The following LRGUK variants were observed in gnomAD, a reference collection of about 807,000 sequenced individuals.
LRGUK encodes leucine rich repeats and guanylate kinase domain containing.
A neutral mutation model predicts 76.0 loss-of-function variants in LRGUK; 65 were observed. That is an observed-to-expected ratio of 0.85 (90% CI 0.70 to 1.05). The LOEUF (loss-of-function observed/expected upper bound fraction) is 1.05, where lower values mean the gene tolerates loss of function less well. LRGUK is among the 50% of genes least tolerant of loss of function. LRGUK has a pLI of 0.00. For missense variants in LRGUK, 758 were observed against 732.8 expected (o/e 1.03, Z -0.40); for synonymous variants, 268 against 265.6 (o/e 1.01, Z -0.09).
intron 5 of LRGUK, among the ~76,000 whole-genome samples, chr7:134,157,509 A>G (rs1365989966): frequency 6.6e-6 from 1 of 152,182 alleles, no homozygotes; most frequent in Non-Finnish European, 1.5e-5. Context: ...GTCAGATACA[A>G]TCCAGCACAC....
intron 15 of LRGUK, among the ~76,000 whole-genome samples, chr7:134,201,823 C>G (rs913352805): frequency 6.6e-6 from 1 of 152,066 alleles, no homozygotes; most frequent in Admixed American, 6.6e-5. Context: ...CTAGGCAGTG[C>G]CTTGGCGGAG....
At chr7:134,174,040 C>T (rs561678950) in intron 7 of LRGUK, among the ~76,000 whole-genome samples, 9 of 148,324 alleles carry the variant, frequency 6.1e-5, no homozygotes, top group Middle Eastern at 3.5e-3. Flanking sequence ...ACCAGGGAGT[C>T]GGAGGTTGCA....
chr7:134,177,603 A>T (rs767314667), intron 9 of LRGUK, among the ~76,000 whole-genome samples: 2 of 152,218 alleles, frequency 1.3e-5, no homozygotes, highest in Non-Finnish European at 2.9e-5. Flanking sequence ...CCTGCTTTTC[A>T]TACTCATGGT....
chr7:134,210,252 G>A (rs1351733659), exon 16 of LRGUK: 1 of 398,876 alleles, frequency 2.5e-6, no homozygotes, highest in African/African-American at 2.1e-5. Context: ...TCTTGTCTAA[G>A]CTAGTATTTC....
intron 1 of LRGUK, among the ~76,000 whole-genome samples, chr7:134,136,151 T>C (rs1378168293): frequency 1.3e-5 from 2 of 152,232 alleles, no homozygotes; most frequent in Non-Finnish European, 2.9e-5. Flanking sequence ...CTCATGTTGA[T>C]GTCAGTGTTA....
intron 18 of LRGUK, among the ~76,000 whole-genome samples, chr7:134,253,211 C>T (rs968565162): frequency 2.6e-5 from 4 of 152,122 alleles, no homozygotes; most frequent in African/African-American, 9.7e-5. Flanking sequence ...GAATTTTTGA[C>T]GTTTTAATCA....
At chr7:134,269,976 A>G in the LRGUK span, among the ~76,000 whole-genome samples, 1 of 152,194 alleles carries the variant, frequency 6.6e-6, no homozygotes, top group Non-Finnish European at 1.5e-5. Context: ...CAAAATACCT[A>G]CAGTTAAAAT....
chr7:134,234,294 G>A (rs1043553062), intron 16 of LRGUK, among the ~76,000 whole-genome samples: 2 of 151,752 alleles, frequency 1.3e-5, no homozygotes, highest in African/African-American at 4.8e-5. Flanking sequence ...GTCACACACT[G>A]GTCTTCCTGA....
intron 1 of LRGUK, among the ~76,000 whole-genome samples, chr7:134,136,232 G>C (rs17167462): frequency 0.13 from 20,016 of 152,062 alleles, 1,620 homozygotes; most frequent in East Asian, 0.33. Flanking sequence ...TCTTTTGTCT[G>C]TCATTGTTGG....
At chr7:134,148,090 C>T in intron 4 of LRGUK, 148 bp from the exon 5 acceptor site, 2 of 505,824 alleles carry the variant, frequency 4.0e-6, no homozygotes, top group Non-Finnish European at 6.8e-6. Flanking sequence ...AGATTAAAGA[C>T]AGATGATTCT....
chr7:134,239,770 C>T (rs185778976), intron 16 of LRGUK, among the ~76,000 whole-genome samples: 61 of 152,304 alleles, frequency 4.0e-4, no homozygotes, highest in African/African-American at 1.4e-3. Flanking sequence ...GTCCCTGACC[C>T]CCGAGTAGCC....
chr7:134,261,741 T>G (rs1041672809), intron 19 of LRGUK, among the ~76,000 whole-genome samples: 1 of 152,236 alleles, frequency 6.6e-6, no homozygotes, highest in Non-Finnish European at 1.5e-5. Context: ...AAGGACCATA[T>G]AGTAAATGCT....
intron 7 of LRGUK, among the ~76,000 whole-genome samples, chr7:134,173,938 G>A (rs1046695176): frequency 4.6e-5 from 7 of 152,018 alleles, no homozygotes; most frequent in African/African-American, 9.7e-5. Flanking sequence ...GTGAAACCCC[G>A]TTTCTACTAA....
chr7:134,147,300 T>C (rs1780998974), intron 4 of LRGUK, among the ~76,000 whole-genome samples: 1 of 151,840 alleles, frequency 6.6e-6, no homozygotes, highest in Admixed American at 6.6e-5. Flanking sequence ...CCGGGTGTGG[T>C]GGCACACGTC....
At chr7:134,140,078 C>T (rs1221164392) in intron 3 of LRGUK, among the ~76,000 whole-genome samples, 1 of 152,146 alleles carries the variant, frequency 6.6e-6, no homozygotes, top group Non-Finnish European at 1.5e-5. Flanking sequence ...AAGTGATTAT[C>T]CTGCCTCAGC....
intron 3 of LRGUK, among the ~76,000 whole-genome samples, chr7:134,142,826 A>G (rs17167491): frequency 0.13 from 19,637 of 152,152 alleles, 1,584 homozygotes; most frequent in East Asian, 0.32. Context: ...TAGGGCATAC[A>G]AGGATTGGCC....
intron 1 of LRGUK, among the ~76,000 whole-genome samples, chr7:134,128,338 G>A (rs1797117606): frequency 6.6e-6 from 1 of 152,086 alleles, no homozygotes; most frequent in South Asian, 2.1e-4. Context: ...TGGCGGCTTC[G>A]CGTTTCACAT....
intron 10 of LRGUK, 115 bp from the exon 11 acceptor site, chr7:134,183,619 A>C (rs1457036363): frequency 5.7e-6 from 6 of 1,054,814 alleles, no homozygotes; most frequent in Non-Finnish European, 8.2e-6. Context: ...TCTTCTACGC[A>C]GGGTCTTATA....
intron 12 of LRGUK, among the ~76,000 whole-genome samples, chr7:134,193,590 T>C (rs1160214816): frequency 6.6e-6 from 1 of 152,218 alleles, no homozygotes; most frequent in Non-Finnish European, 1.5e-5. Context: ...TTTTTACTGC[T>C]TCTGATAACA....
Sources: gnomAD v4.1 joint callset for allele counts (sites outside exome capture counted in the v4.1 genomes callset) on GRCh38, gnomAD v4.1.1 for gene constraint, MANE v1.5 for transcripts, NCBI Gene and HGNC (gene_info 2026-07-23, HGNC 2026-07-21) for gene names.